Variants in SERINC3 observed in about 807,000 individuals in gnomAD.
SERINC3 encodes tumor differentially expressed protein 1.
In SERINC3, 22 loss-of-function variants were observed where a neutral mutation model predicts 52.1. The observed-to-expected ratio is 0.42, with a 90% CI of 0.30 to 0.60. The LOEUF (loss-of-function observed/expected upper bound fraction) is 0.60, where lower values mean the gene tolerates loss of function less well. SERINC3 is among the 20% of genes least tolerant of loss of function. The probability of loss-of-function intolerance (pLI) is 0.16; values close to 1 mark genes in which losing one functional copy is unlikely to be tolerated. For missense variants in SERINC3, 564 were observed against 584.6 expected (o/e 0.96, Z 0.36); for synonymous variants, 226 against 212.7 (o/e 1.06, Z -0.54).
chr20:44,506,897 T>G lies in SERINC3; in HGVS notation c.713A>C (p.Lys238Thr), dbSNP rs202110058. The G allele has an allele frequency of 3.5e-4, 567 of 1,613,550 alleles. 1 individual carries two copies. Among genetic ancestry groups the G allele is most frequent in the Admixed American group, 2.0e-3 (120 of 59,924 alleles). ...GATCAGGTTAATACTGATGAAGAACTTGTTTTCTGTGCAGCCATCTGGTTT... is the reference window on the plus strand; with the variant it reads ...GATCAGGTTAATACTGATGAAGAACGTGTTTTCTGTGCAGCCATCTGGTTT... ...YTKPDGCTEN[K>T]FFISINLILC... The change falls in exon 6 of 10, where the codon AAG becomes ACG. Residue 238 changes from lysine to threonine, a missense_variant. Transcript: ENST00000342374.
At chr20:44,518,196 C>CA (rs1427260398) in intron 1 of SERINC3, among the ~76,000 whole-genome samples, 2 of 151,988 alleles carry the variant, frequency 1.3e-5, no homozygotes, top group Admixed American at 1.3e-4. Context: ...CACAGTGGCT[C>CA]ACGCCTGTAA....
At position 44,521,871 on chromosome 20, in the gene SERINC3, G is replaced by A. The variant is rs117913476; in HGVS notation, c.39+42C>T. ...AGCTCTGGTCTCGAGGCCTTTCCCC[G>A]CAAACCGCAGGTCCGGCGAGGACTC... On this transcript the variant is annotated intron_variant, in intron 1 of 9. Coordinates refer to ENST00000342374, the MANE Select transcript of SERINC3 (RefSeq NM_006811.4). The A allele has an allele frequency of 2.0e-4, 316 of 1,578,696 alleles. 3 individuals carry two copies. The East Asian group carries it at 6.8e-3, about 34-fold the overall frequency.
Position 44,500,329 on chromosome 20 carries a change from A to T in SERINC3, c.1389T>A (p.Ala463=). 1 of 1,611,282 alleles carries T rather than the reference A, an allele frequency of 6.2e-7. No individual in the cohort carries two copies. The highest frequency in any genetic ancestry group is 8.5e-7 in the Non-Finnish European group (1 of 1,178,956). ...AGTCCCGACTGGTGAGGACAAGTGG[A>T]GCCACAAGGGTCCAGACGTAAAGCA... is the stretch of plus-strand genomic sequence containing the variant. ...CLLLYVWTLV[A]PLVLTSRDFS Residue 463 remains alanine (A), a synonymous_variant, in exon 10 of 10, where the codon GCT becomes GCA. Coordinates refer to ENST00000342374, the MANE Select transcript of SERINC3 (RefSeq NM_006811.4).
Position 44,499,076 on chromosome 20 carries a change from A to G in SERINC3, c.*1220T>C, listed in dbSNP as rs574657308. The G allele has an allele frequency of 6.6e-6, 1 of 152,266 alleles. No individual in the cohort carries two copies. Among genetic ancestry groups the G allele is most frequent in the Non-Finnish European group, 1.5e-5 (1 of 68,056 alleles). 9.4% of individuals were successfully genotyped at this position (152,266 alleles called of 1,614,324 possible). ...TTCCTAAACCACAGCACTAATTCAC[A>G]TTATAACCACCTGTCAGCTCATTTG... On this transcript the variant is annotated 3_prime_UTR_variant, in exon 10 of 10. Transcript: ENST00000342374.
At chr20:44,508,117 C>T (rs149383578) in intron 5 of SERINC3, among the ~76,000 whole-genome samples, 1 of 152,274 alleles carries the variant, frequency 6.6e-6, no homozygotes, top group East Asian at 1.9e-4. Context: ...TTTTTCTACA[C>T]TTAGTTACTG....
Position 44,506,837 on chromosome 20 carries a change from G to T in SERINC3, c.773C>A (p.Pro258Gln). The T allele has an allele frequency of 6.4e-7, 1 of 1,568,596 alleles. No individual in the cohort carries two copies. The highest frequency in any genetic ancestry group is 8.6e-7 in the Non-Finnish European group (1 of 1,160,908). The change falls in exon 6 of 10, where the codon CCA becomes CAA. Residue 258 changes from proline to glutamine, a missense_variant. Pro to Gln is a moderately conservative substitution (Grantham distance 76). Transcript: ENST00000342374. ...CVVASIISIH[P>Q]KIQEHQPRSG... ...AGTAAACAATCATACCTGAATTTTTGGGTGGATCGATATAATAGAAGCCAC... is the reference window on the plus strand; with the variant it reads ...AGTAAACAATCATACCTGAATTTTTTGGTGGATCGATATAATAGAAGCCAC...
At chr20:44,506,755 G>A (rs1013019518) in intron 6 of SERINC3, 72 bp downstream of exon 6, 68 of 1,045,124 alleles carry the variant, frequency 6.5e-5, no homozygotes, top group Non-Finnish European at 8.6e-5. Flanking sequence ...AAATTCATAA[G>A]AAAGGGTACC....
At chr20:44,518,280 G>A (rs1237890461) in intron 1 of SERINC3, among the ~76,000 whole-genome samples, 1 of 127,890 alleles carries the variant, frequency 7.8e-6, no homozygotes, top group Non-Finnish European at 1.6e-5. Context: ...GGCCAACACA[G>A]TGAAATCCTG....
intron 7 of SERINC3, among the ~76,000 whole-genome samples, chr20:44,504,368 G>A (rs986743422): frequency 1.3e-5 from 2 of 152,186 alleles, no homozygotes; most frequent in African/African-American, 2.4e-5. Flanking sequence ...TGGAAGGGGG[G>A]TCTGCATTGT....
At chr20:44,518,204 T>C (rs1019516098) in intron 1 of SERINC3, among the ~76,000 whole-genome samples, 3 of 151,134 alleles carry the variant, frequency 2.0e-5, no homozygotes, top group African/African-American at 7.3e-5. Context: ...CTCACGCCTG[T>C]AATCCCAGCA....
chr20:44,503,884 C>CT lies in SERINC3; in HGVS notation c.985dup (p.Ser329LysfsTer9). ...ATTATCTGAATCCAGTAAAGACCCA[C>CT]TCTTTGATGGTGGAGTAGGGGTAGG... On this transcript the variant is annotated frameshift_variant, in exon 8 of 10. Transcript: ENST00000342374. LOFTEE classifies it high-confidence loss of function. The CT allele has an allele frequency of 6.2e-7, 1 of 1,602,334 alleles. No homozygotes were observed. Among genetic ancestry groups the CT allele is most frequent in the Non-Finnish European group, 8.5e-7 (1 of 1,175,924 alleles).
chr20:44,507,523 C>G (rs968687146), intron 5 of SERINC3, among the ~76,000 whole-genome samples: 25 of 152,168 alleles, frequency 1.6e-4, no homozygotes, highest in African/African-American at 6.0e-4. Flanking sequence ...GGCTCATTTG[C>G]TATTTTTTAA....
intron 2 of SERINC3, 26 bp from the exon 3 acceptor site, chr20:44,513,020 C>A: frequency 1.4e-6 from 2 of 1,439,606 alleles, no homozygotes; most frequent in Non-Finnish European, 1.8e-6. Flanking sequence ...TTCAATGTTA[C>A]GAGAATATCT....
At chr20:44,515,611 G>A (rs1321306087) in intron 1 of SERINC3, among the ~76,000 whole-genome samples, 3 of 152,002 alleles carry the variant, frequency 2.0e-5, no homozygotes, top group African/African-American at 7.2e-5. Flanking sequence ...AGATGTGATG[G>A]CAGCAAAACA....
At chr20:44,503,287 G>C (rs2064291080) in intron 8 of SERINC3, among the ~76,000 whole-genome samples, 1 of 152,142 alleles carries the variant, frequency 6.6e-6, no homozygotes, top group Non-Finnish European at 1.5e-5. Context: ...GGAATGCAAA[G>C]GACCCATAAC....
chr20:44,521,756 G>A (rs1036442448), intron 1 of SERINC3, among the ~76,000 whole-genome samples, 157 bp downstream of exon 1: 8 of 152,378 alleles, frequency 5.3e-5, no homozygotes, highest in African/African-American at 1.4e-4. Context: ...GGACCTGAGG[G>A]TATCGCGGAT....
In SERINC3 at chr20:44,506,903, T is replaced by C. The variant is rs1368007147; in HGVS notation, c.707A>G (p.Glu236Gly). 1 of 1,613,728 alleles carries C rather than the reference T, an allele frequency of 6.2e-7. No individual in the cohort carries two copies. Among genetic ancestry groups the C allele is most frequent in the Non-Finnish European group, 8.5e-7 (1 of 1,179,884 alleles). ...TYYTKPDGCT[E>G]NKFFISINLI... ...GTTAATACTGATGAAGAACTTGTTT[T>C]CTGTGCAGCCATCTGGTTTGGTGTA... The change falls in exon 6 of 10, where the codon GAA becomes GGA. Residue 236 changes from glutamate to glycine, a missense_variant. By Grantham distance (98) the Glu-to-Gly change is moderately conservative. Transcript: ENST00000342374.
At chr20:44,507,101 T>C in intron 5 of SERINC3, 105 bp from the exon 6 acceptor site, 2 of 801,482 alleles carry the variant, frequency 2.5e-6, no homozygotes, top group East Asian at 3.1e-5. Context: ...TTATGTCACT[T>C]TTCTGGGGTA....
chr20:44,504,763 C>A, intron 7 of SERINC3, 38 bp downstream of exon 7: 2 of 1,514,096 alleles, frequency 1.3e-6, no homozygotes, highest in Non-Finnish European at 1.8e-6. Context: ...TTCCTACTTT[C>A]TTTTTATCAA....
Sources: allele counts gnomAD v4.1 joint callset (sites outside exome capture counted in the v4.1 genomes callset), GRCh38; gene constraint gnomAD v4.1.1; transcripts MANE v1.5; gene names NCBI Gene and HGNC (gene_info 2026-07-23, HGNC 2026-07-21).